Variants in ST8SIA2 observed in about 807,000 individuals in gnomAD.
ST8SIA2 encodes the protein ST8 alpha-N-acetyl-neuraminide alpha-2,8-sialyltransferase 2, also known as alpha-2,8-sialyltransferase 8B.
Under a neutral mutation model 37.6 loss-of-function variants are expected in ST8SIA2, and 22 were observed. The observed-to-expected ratio is 0.58, with a 90% CI of 0.42 to 0.83. The LOEUF is 0.83. Ranked by LOEUF, ST8SIA2 falls within the 40% of genes least tolerant of loss-of-function variation. The pLI is 0.00. For synonymous variants in ST8SIA2, 205 were observed against 201.2 expected, an observed-to-expected ratio of 1.02 and a Z score of -0.16; for missense variants, 382 against 484.7, an observed-to-expected ratio of 0.79 and a Z score of 1.99.
chr15:92,394,367 G>C lies in ST8SIA2; in HGVS notation c.98+205G>C, dbSNP rs376793108. The stretch of plus-strand genomic sequence containing the variant: ...AGGGTGGGGGCGCGGCTGCTGTGGG[G>C]TGTCCCCGGGCGGGGTTCACGGGAA... On this transcript the variant is annotated intron_variant, in intron 1 of 5. Transcript: ENST00000268164. Among the ~76,000 whole-genome samples, 313 of 152,216 alleles carry C rather than the reference G, an allele frequency of 2.1e-3. 9 individuals are homozygous for C. In the South Asian group the frequency reaches 0.061, roughly 30 times the overall value.
Position 92,447,611 on chromosome 15 carries a change from C to T in ST8SIA2, c.842+2682C>T, listed in dbSNP as rs796815731. On this transcript the variant is annotated intron_variant, in intron 5 of 5. Coordinates refer to ENST00000268164, the MANE Select transcript of ST8SIA2 (RefSeq NM_006011.4). ...CCTGGGAAGCCCTCTGAGCCACCCA[C>T]AAAGGATTCTTGTCCTCATGGTGAC... Among the ~76,000 whole-genome samples the T allele has an allele frequency of 1.1e-4, 16 of 152,268 alleles. 1 individual carries two copies. Among genetic ancestry groups the T allele is most frequent in the African/African-American group, 3.4e-4 (14 of 41,546 alleles).
chr15:92,456,663 A>T (rs2049921846), intron 5 of ST8SIA2, among the ~76,000 whole-genome samples: 1 of 152,114 alleles, frequency 6.6e-6, no homozygotes, highest in South Asian at 2.1e-4. Context: ...ACCACATAGG[A>T]CGTGTCATGG....
intron 4 of ST8SIA2, among the ~76,000 whole-genome samples, chr15:92,444,090 G>C (rs2049823064): frequency 6.6e-6 from 1 of 152,178 alleles, no homozygotes; most frequent in Admixed American, 6.5e-5. Flanking sequence ...ATTATATCCA[G>C]TAGTGTTCTA....
In ST8SIA2 at chr15:92,399,242, G is replaced by A. The variant is rs183848418; in HGVS notation, c.98+5080G>A. Among the ~76,000 whole-genome samples, 385 of 152,288 alleles carry A rather than the reference G, an allele frequency of 2.5e-3. 4 individuals are homozygous for A. Among genetic ancestry groups the A allele is most frequent in the Admixed American group, 5.2e-3 (80 of 15,304 alleles). ...TGTATATTTGGGCATCTAGGTGTCC[G>A]GAGCAGGGGAGATAGTAAAGATATT... is the stretch of plus-strand genomic sequence containing the variant. On this transcript the variant is annotated intron_variant, in intron 1 of 5. Transcript: ENST00000268164.
At chr15:92,404,588 G>A (rs1216450293) in intron 1 of ST8SIA2, among the ~76,000 whole-genome samples, 5 of 150,868 alleles carry the variant, frequency 3.3e-5, no homozygotes, top group Non-Finnish European at 5.9e-5. Flanking sequence ...TTGGGAGGCC[G>A]AGGTGGGTGG....
intron 5 of ST8SIA2, among the ~76,000 whole-genome samples, chr15:92,448,845 T>G (rs915005569): frequency 1.3e-5 from 2 of 152,166 alleles, no homozygotes; most frequent in Non-Finnish European, 2.9e-5. Context: ...TTCTTCACCT[T>G]GAAGTCCCAA....
At chr15:92,409,262 G>A (rs1461565451) in intron 1 of ST8SIA2, among the ~76,000 whole-genome samples, 1 of 152,182 alleles carries the variant, frequency 6.6e-6, no homozygotes, top group Non-Finnish European at 1.5e-5. Context: ...CCTCAGTCTT[G>A]TATTAGGGAG....
intron 1 of ST8SIA2, among the ~76,000 whole-genome samples, chr15:92,424,670 G>C (rs918299694): frequency 1.1e-4 from 17 of 150,598 alleles, no homozygotes; most frequent in South Asian, 6.3e-4. Context: ...CTGGAGTGCA[G>C]TGGCAATCTC....
At chr15:92,427,771 G>A (rs2049687446) in intron 1 of ST8SIA2, among the ~76,000 whole-genome samples, 2 of 152,150 alleles carry the variant, frequency 1.3e-5, no homozygotes, top group Admixed American at 1.3e-4. Flanking sequence ...ATCACCTGAA[G>A]CCGAGAGTTT....
chr15:92,406,206 T>G (rs1157820409), intron 1 of ST8SIA2, among the ~76,000 whole-genome samples: 1 of 152,196 alleles, frequency 6.6e-6, no homozygotes, highest in Non-Finnish European at 1.5e-5. Flanking sequence ...AAGCCAGTTC[T>G]CAGACTTGAG....
intron 3 of ST8SIA2, among the ~76,000 whole-genome samples, chr15:92,435,100 T>C (rs535266621): frequency 6.6e-6 from 1 of 152,304 alleles, no homozygotes; most frequent in African/African-American, 2.4e-5. Context: ...AATCCAACTA[T>C]TCAGTTCCAG....
At chr15:92,403,581 T>C (rs2049486526) in intron 1 of ST8SIA2, among the ~76,000 whole-genome samples, 1 of 152,160 alleles carries the variant, frequency 6.6e-6, no homozygotes, top group Admixed American at 6.5e-5. Context: ...AGTTCTAATT[T>C]TGAAAATCGG....
At position 92,464,230 on chromosome 15, in the gene ST8SIA2, A is replaced by T; in HGVS notation, c.973A>T (p.Asn325Tyr). 1 of 1,614,050 alleles carries T rather than the reference A, an allele frequency of 6.2e-7. No individual in the cohort carries two copies. Among genetic ancestry groups the T allele is most frequent in the Non-Finnish European group, 8.5e-7 (1 of 1,180,008 alleles). Residue 325 changes from asparagine to tyrosine, a missense_variant, in exon 6 of 6, where the codon AAC becomes TAC. Coordinates refer to ENST00000268164, the MANE Select transcript of ST8SIA2 (RefSeq NM_006011.4). Reference protein sequence around the residue: ...FWPFPLDQNQNPVKYHYYDSL... With the variant: ...FWPFPLDQNQYPVKYHYYDSL... The stretch of plus-strand genomic sequence containing the variant: ...GCCCTTTCCGCTGGATCAGAACCAG[A>T]ACCCAGTCAAGTACCACTATTATGA...
chr15:92,426,961 G>T (rs1035026596), intron 1 of ST8SIA2, among the ~76,000 whole-genome samples: 4 of 152,244 alleles, frequency 2.6e-5, no homozygotes, highest in Middle Eastern at 3.4e-3. Context: ...GGGCGTGATG[G>T]CAGGCGCCTG....
In ST8SIA2 at chr15:92,464,598, G is replaced by A; in HGVS notation, c.*213G>A. On this transcript the variant is annotated 3_prime_UTR_variant, in exon 6 of 6. Coordinates refer to ENST00000268164, the MANE Select transcript of ST8SIA2 (RefSeq NM_006011.4). Reference sequence around the variant, plus strand: ...TGTGGTGTTCATCTAGCATTAGGCAGATAGGCCACAGGAAGAAGGTGTGGA... The same window carrying A: ...TGTGGTGTTCATCTAGCATTAGGCAAATAGGCCACAGGAAGAAGGTGTGGA... 2 of 610,680 alleles carry A rather than the reference G, an allele frequency of 3.3e-6. No homozygotes were observed. Among genetic ancestry groups the A allele is most frequent in the South Asian group, 4.0e-5 (2 of 49,880 alleles). 37.8% of individuals were successfully genotyped at this position (610,680 alleles called of 1,614,324 possible).
chr15:92,434,118 G>C (rs546055216), intron 2 of ST8SIA2, 129 bp from the exon 3 acceptor site: 1 of 1,296,840 alleles, frequency 7.7e-7, no homozygotes, highest in East Asian at 2.3e-5. Flanking sequence ...TCTCTTCTCA[G>C]GTAATAACTG....
At chr15:92,394,428 C>T (rs572228099) in intron 1 of ST8SIA2, among the ~76,000 whole-genome samples, 1 of 152,138 alleles carries the variant, frequency 6.6e-6, no homozygotes, top group East Asian at 1.9e-4. Context: ...GCGGACTCGC[C>T]CACCCTGCCC....
In ST8SIA2 at chr15:92,436,348, C is replaced by G. The variant is rs142341439; in HGVS notation, c.290+1973C>G. 3.7e-4 allele frequency among the ~76,000 whole-genome samples: 57 copies of G among 152,194 alleles called. 1 individual carries two copies. The East Asian group carries it at 0.011, about 29-fold the overall frequency. On this transcript the variant is annotated intron_variant, in intron 3 of 5. Transcript: ENST00000268164. ...ATTGGATAGAGAAATAGCTCCCCCA[C>G]CCCTTGTGAAGACGAGACTGTGTCC... is the stretch of plus-strand genomic sequence containing the variant.
At chr15:92,421,739 A>G (rs1278171754) in intron 1 of ST8SIA2, among the ~76,000 whole-genome samples, 1 of 152,248 alleles carries the variant, frequency 6.6e-6, no homozygotes, top group Admixed American at 6.5e-5. Context: ...GGTAGAAGGT[A>G]AGTTCCTAAA....
Sources: gnomAD v4.1 joint callset for allele counts (sites outside exome capture counted in the v4.1 genomes callset) on GRCh38, gnomAD v4.1.1 for gene constraint, MANE v1.5 for transcripts, NCBI Gene and HGNC (gene_info 2026-07-23, HGNC 2026-07-21) for gene names.